The following AKT3 variants were observed in gnomAD, a reference collection of about 807,000 sequenced individuals.
AKT3 encodes the protein RAC-gamma serine/threonine-protein kinase.
AKT3 carries 15 observed loss-of-function variants against 65.3 expected under a neutral mutation model. The observed-to-expected ratio is 0.23, with a 90% CI of 0.15 to 0.35. The LOEUF is 0.35. AKT3 is among the 10% of genes least tolerant of loss of function. AKT3 has a pLI of 1.00. For synonymous variants in AKT3, 206 were observed against 183.8 expected (o/e 1.12, Z -0.98); for missense variants, 243 against 576.5 (o/e 0.42, Z 5.92).
intron 2 of AKT3, chr1:243,702,808 G>T (rs1685551432): frequency 6.6e-6 from 1 of 152,054 alleles, no homozygotes; most frequent in African/African-American, 2.4e-5. Context: ...TGAATATCAG[G>T]ATATCAGAGG....
intron 3 of AKT3, among the ~76,000 whole-genome samples, chr1:243,666,767 T>C (rs1280580664): frequency 6.6e-6 from 1 of 152,170 alleles, no homozygotes; most frequent in Non-Finnish European, 1.5e-5. Context: ...CCTAACCTAC[T>C]TGAAACATGC....
At chr1:243,768,643 T>G (rs1689977918) in intron 2 of AKT3, among the ~76,000 whole-genome samples, 2 of 152,096 alleles carry the variant, frequency 1.3e-5, no homozygotes, top group African/African-American at 2.4e-5. Flanking sequence ...GATACTAACC[T>G]GACCAACATG....
chr1:243,502,016 G>A lies in AKT3; in HGVS notation c.*3233C>T, dbSNP rs1000634158. On this transcript the variant is annotated 3_prime_UTR_variant, in exon 14 of 14. Coordinates refer to ENST00000673466, the MANE Select transcript of AKT3 (RefSeq NM_005465.7). ...CCTTAACCAGATGACTAGATCTTGC[G>A]CAGATCTAATGAAAGAACTAGCAAG... 7.7e-5 allele frequency: 18 copies of A among 232,428 alleles called. No homozygotes were observed. The highest frequency in any genetic ancestry group is 3.9e-4 in the Admixed American group (7 of 17,764). The allele number at this position is 232,428 out of a possible 1,614,324, so 14.4% of individuals were successfully genotyped here.
intron 2 of AKT3, among the ~76,000 whole-genome samples, chr1:243,758,630 G>C (rs367552725): frequency 6.6e-6 from 1 of 152,090 alleles, no homozygotes; most frequent in Admixed American, 6.6e-5. Context: ...AGAAGGTGTC[G>C]GGCTGAAACT....
chr1:243,652,997 C>A (rs1342871665), intron 4 of AKT3, among the ~76,000 whole-genome samples: 1 of 151,326 alleles, frequency 6.6e-6, no homozygotes. Flanking sequence ...TAGACTCCCA[C>A]ACAATAATAG....
intron 2 of AKT3, chr1:243,794,463 A>G (rs1266238020): frequency 1.3e-5 from 2 of 152,268 alleles, no homozygotes; most frequent in Non-Finnish European, 2.9e-5. Context: ...TTATAACATT[A>G]TATCAAAAAG....
intron 2 of AKT3, among the ~76,000 whole-genome samples, chr1:243,776,349 G>C (rs1380949966): frequency 6.6e-6 from 1 of 152,126 alleles, no homozygotes; most frequent in African/African-American, 2.4e-5. Flanking sequence ...ATGTTGAAAC[G>C]CTAACCCCCT....
intron 3 of AKT3, 137 bp from the exon 4 acceptor site, chr1:243,665,020 A>G (rs1327807211): frequency 2.6e-6 from 1 of 383,270 alleles, no homozygotes; most frequent in East Asian, 4.1e-5. Flanking sequence ...ACTCAAGATT[A>G]TTTACAGCCT....
chr1:243,568,886 T>A (rs1167236755), intron 9 of AKT3, among the ~76,000 whole-genome samples: 1 of 152,202 alleles, frequency 6.6e-6, no homozygotes, highest in African/African-American at 2.4e-5. Context: ...TAGGCTTGAA[T>A]GTAGGCCAGA....
chr1:243,605,971 C>CT (rs1262461276), intron 8 of AKT3, among the ~76,000 whole-genome samples: 3 of 152,138 alleles, frequency 2.0e-5, no homozygotes, highest in African/African-American at 7.2e-5. Context: ...TTATAAGGGG[C>CT]TTTTCCTCCT....
intron 10 of AKT3, among the ~76,000 whole-genome samples, chr1:243,555,606 G>C (rs965713274): frequency 2.0e-5 from 3 of 151,812 alleles, no homozygotes; most frequent in African/African-American, 4.8e-5. Flanking sequence ...AATTCTTTCT[G>C]GCTACCTCTG....
chr1:243,585,066 A>T (rs1400515235), intron 8 of AKT3, among the ~76,000 whole-genome samples: 2 of 152,168 alleles, frequency 1.3e-5, no homozygotes, highest in African/African-American at 2.4e-5. Flanking sequence ...AGGAGAGAAA[A>T]TCAATGTACA....
At chr1:243,772,227 G>C (rs1277046348) in intron 2 of AKT3, among the ~76,000 whole-genome samples, 2 of 151,992 alleles carry the variant, frequency 1.3e-5, no homozygotes, top group African/African-American at 4.8e-5. Flanking sequence ...CACAGCAAAA[G>C]AAACTACCAT....
At chr1:243,557,244 T>G (rs1160877307) in intron 10 of AKT3, among the ~76,000 whole-genome samples, 1 of 152,086 alleles carries the variant, frequency 6.6e-6, no homozygotes, top group Non-Finnish European at 1.5e-5. Context: ...AAACTGAGCC[T>G]TCATAACCCA....
rs549061411 is a variant in AKT3, at chr1:243,647,236, G to A, written c.285-1199C>T. ...TCAGTCAATGATGGACTGCATATAC[G>A]ATGGCAGTCCCCTAAGATTATTACA... On this transcript the variant is annotated intron_variant, in intron 4 of 13. Transcript: ENST00000673466. Among the ~76,000 whole-genome samples, 33 of 152,254 alleles carry A rather than the reference G, an allele frequency of 2.2e-4. 1 individual carries two copies. The highest frequency in any genetic ancestry group is 5.9e-4 in the Admixed American group (9 of 15,302).
intron 2 of AKT3, among the ~76,000 whole-genome samples, chr1:243,805,530 C>A (rs146048025): frequency 3.9e-4 from 60 of 152,340 alleles, no homozygotes; most frequent in African/African-American, 1.4e-3. Flanking sequence ...TTAAGCATCA[C>A]TCTTCCCTTA....
chr1:243,602,956 A>G (rs987720473), intron 8 of AKT3, among the ~76,000 whole-genome samples: 3 of 152,196 alleles, frequency 2.0e-5, no homozygotes, highest in Admixed American at 6.5e-5. Flanking sequence ...AAATGAAGCT[A>G]TGAGTAAGAT....
intron 8 of AKT3, among the ~76,000 whole-genome samples, chr1:243,603,006 G>GA (rs1677123216): frequency 6.6e-6 from 1 of 152,066 alleles, no homozygotes; most frequent in Admixed American, 6.6e-5. Flanking sequence ...CTAAACCAAA[G>GA]AAAACAAAAA....
At chr1:243,829,749 T>C (rs1024001931) in intron 2 of AKT3, among the ~76,000 whole-genome samples, 2 of 152,180 alleles carry the variant, frequency 1.3e-5, no homozygotes, top group African/African-American at 2.4e-5. Flanking sequence ...CACATATTAG[T>C]GCTAGGAATG....
Sources: allele counts gnomAD v4.1 joint callset (sites outside exome capture counted in the v4.1 genomes callset), GRCh38; gene constraint gnomAD v4.1.1; transcripts MANE v1.5; gene names NCBI Gene and HGNC (gene_info 2026-07-23, HGNC 2026-07-21).